The following FKBP15 variants were observed in gnomAD, a reference collection of about 807,000 sequenced individuals.
The protein encoded by FKBP15 is FKBP prolyl isomerase family member 15, also known as FK506-binding protein 15.
Under a neutral mutation model 158.1 loss-of-function variants are expected in FKBP15, and 106 were observed. The observed-to-expected ratio is 0.67, with a 90% CI of 0.57 to 0.79. FKBP15 has a LOEUF of 0.79. Ranked by LOEUF, FKBP15 falls within the 30% of genes least tolerant of loss-of-function variation. FKBP15 has a pLI of 0.00. For synonymous variants in FKBP15, 547 were observed against 548.6 expected (o/e 1.00, Z 0.04); for missense variants, 1,287 against 1,479.1 (o/e 0.87, Z 2.13).
rs1416653707 is a variant in FKBP15, at chr9:113,174,601, C to A, written c.2224-18G>T. 3.1e-6 allele frequency: 5 copies of A among 1,612,076 alleles called. No individual in the cohort carries two copies. Among genetic ancestry groups the A allele is most frequent in the Non-Finnish European group, 4.2e-6 (5 of 1,179,108 alleles). ...GAGAGGTTCTTAGGAACAAGAGAACCATCATCAGCTCTAGCTTGTTAACAG... is the reference window on the plus strand; with the variant it reads ...GAGAGGTTCTTAGGAACAAGAGAACAATCATCAGCTCTAGCTTGTTAACAG... On this transcript the variant is annotated intron_variant, in intron 21 of 27. Coordinates refer to ENST00000238256, the MANE Select transcript of FKBP15 (RefSeq NM_015258.2).
chr9:113,191,905 T>A (rs2118904864), intron 11 of FKBP15, among the ~76,000 whole-genome samples: 1 of 151,256 alleles, frequency 6.6e-6, no homozygotes, highest in East Asian at 1.9e-4. Flanking sequence ...TTTTGATAAC[T>A]GTGCCATATA....
chr9:113,192,999 G>C (rs1301467525), intron 11 of FKBP15, among the ~76,000 whole-genome samples: 1 of 152,166 alleles, frequency 6.6e-6, no homozygotes, highest in African/African-American at 2.4e-5. Context: ...ACTTATTAAA[G>C]ACAAACTGAA....
At chr9:113,183,203 T>G (rs1156916587) in intron 18 of FKBP15, among the ~76,000 whole-genome samples, 1 of 152,162 alleles carries the variant, frequency 6.6e-6, no homozygotes, top group Non-Finnish European at 1.5e-5. Context: ...CTCTGTCATG[T>G]GGGAGACAAG....
chr9:113,206,456 A>T (rs1830888660), intron 4 of FKBP15, 53 bp downstream of exon 4: 2 of 1,433,324 alleles, frequency 1.4e-6, no homozygotes, highest in South Asian at 2.3e-5. Flanking sequence ...AAGCCAGCTC[A>T]TTGGTATTAT....
intron 12 of FKBP15, 92 bp downstream of exon 12, chr9:113,190,378 GC>G: frequency 1.0e-6 from 1 of 1,002,570 alleles, no homozygotes; most frequent in South Asian, 1.4e-5. Context: ...TAATGATTCT[GC>G]CTTAGAGAAA....
chr9:113,172,460 C>G (rs1006411284), intron 23 of FKBP15, among the ~76,000 whole-genome samples: 1 of 152,104 alleles, frequency 6.6e-6, no homozygotes, highest in African/African-American at 2.4e-5. Flanking sequence ...TTTACACTCC[C>G]ACCAACAGTG....
In FKBP15 at chr9:113,162,963, C is replaced by A. The variant is rs749077587; in HGVS notation, c.*3115G>T. On this transcript the variant is annotated 3_prime_UTR_variant, in exon 28 of 28. Transcript: ENST00000238256. ...ACTGAGGCTGGAGGGACATGGAGCCCCCTCTTCCAGACACTATACTTCCAA... is the reference window on the plus strand; with the variant it reads ...ACTGAGGCTGGAGGGACATGGAGCCACCTCTTCCAGACACTATACTTCCAA... 1.3e-6 allele frequency: 2 copies of A among 1,512,194 alleles called. No individual in the cohort carries two copies. Among genetic ancestry groups the A allele is most frequent in the Non-Finnish European group, 1.8e-6 (2 of 1,122,086 alleles). The allele number at this position is 1,512,194 out of a possible 1,614,324, so 93.7% of individuals were successfully genotyped here.
In FKBP15 at chr9:113,211,545, T is replaced by G. The variant is rs1434582192; in HGVS notation, c.101A>C (p.His34Pro). 6.2e-7 allele frequency: 1 copy of G among 1,608,554 alleles called. No individual in the cohort carries two copies. Among genetic ancestry groups the G allele is most frequent in the Non-Finnish European group, 8.5e-7 (1 of 1,177,572 alleles). Residue 34 changes from histidine (H) to proline (P), a missense_variant, in exon 2 of 28, where the codon CAT becomes CCT. Physicochemically the swap from His to Pro is moderately conservative, Grantham distance 77 (BLOSUM62 -2). Transcript: ENST00000238256. Reference sequence around the variant, plus strand: ...TGTGTACTGGAAAAATTCATTTCCATGGCCAGCAGCTGCCTGATCCAGTCC... The same window carrying G: ...TGTGTACTGGAAAAATTCATTTCCAGGGCCAGCAGCTGCCTGATCCAGTCC... The part of the protein sequence containing the change: ...LFGLDQAAAG[H>P]GNEFFQYTAP...
Position 113,197,020 on chromosome 9 carries a change from G to C in FKBP15, c.776C>G (p.Pro259Arg), listed in dbSNP as rs746467241. The C allele has an allele frequency of 8.9e-5, 143 of 1,613,838 alleles. No homozygotes were observed. Among genetic ancestry groups the C allele is most frequent in the Non-Finnish European group, 1.2e-4 (142 of 1,179,886 alleles). ...KKGGKRLLIV[P>R]PACAVGSEGV... The stretch of plus-strand genomic sequence containing the variant: ...TTCTGAGCCAACAGCACAGGCTGGA[G>C]GGACAATAAGCAATCGCTTTCCTCC... Residue 259 changes from proline to arginine, a missense_variant, in exon 9 of 28, where the codon CCT (proline) becomes CGT (arginine). Pro to Arg is a moderately radical substitution (Grantham distance 103). Coordinates refer to ENST00000238256, the MANE Select transcript of FKBP15 (RefSeq NM_015258.2).
chr9:113,210,173 G>A (rs946606919), intron 2 of FKBP15, among the ~76,000 whole-genome samples: 6 of 152,126 alleles, frequency 3.9e-5, no homozygotes, highest in Non-Finnish European at 7.4e-5. Flanking sequence ...CTATCTAGCT[G>A]CTAGAAATCA....
chr9:113,204,082 G>A (rs1830843270), intron 4 of FKBP15, among the ~76,000 whole-genome samples: 2 of 141,546 alleles, frequency 1.4e-5, no homozygotes, highest in African/African-American at 2.8e-5. Flanking sequence ...CATTCTCCAC[G>A]TCATTTTTTT....
rs373279246 is a variant in FKBP15, at chr9:113,193,620, T to G, written c.1008-71A>C. Reference sequence around the variant, plus strand: ...AATCACAAGTCCAAATTATATTGGATAAGCAAATTGTTTTTTTAAATGTGT... The same window carrying G: ...AATCACAAGTCCAAATTATATTGGAGAAGCAAATTGTTTTTTTAAATGTGT... On this transcript the variant is annotated intron_variant, in intron 10 of 27. Transcript: ENST00000238256. The G allele has an allele frequency of 2.1e-5, 27 of 1,272,418 alleles. No individual in the cohort carries two copies. The African/African-American group carries it at 3.3e-4, about 15-fold the overall frequency. The allele number at this position is 1,272,418 out of a possible 1,614,324, so 78.8% of individuals were successfully genotyped here. A position where few individuals can be genotyped will look rare whatever the true frequency, so the allele number is the denominator to read the frequency against.
chr9:113,161,882 C>A lies in FKBP15; in HGVS notation c.*4196G>T. On this transcript the variant is annotated 3_prime_UTR_variant, in exon 28 of 28. Coordinates refer to ENST00000238256, the MANE Select transcript of FKBP15 (RefSeq NM_015258.2). ...AGCTCATGTCTCCTGATGCCCAGGCCAAAGCACTCTGTGAACAGCCAGCCA... is the reference window on the plus strand; with the variant it reads ...AGCTCATGTCTCCTGATGCCCAGGCAAAAGCACTCTGTGAACAGCCAGCCA... 1.4e-6 allele frequency: 1 copy of A among 712,036 alleles called. No individual in the cohort carries two copies. The highest frequency in any genetic ancestry group is 2.5e-6 in the Non-Finnish European group (1 of 401,426). The allele number at this position is 712,036 out of a possible 1,614,324, so 44.1% of individuals were successfully genotyped here.
At chr9:113,179,474 C>T (rs1830354543) in intron 19 of FKBP15, among the ~76,000 whole-genome samples, 1 of 151,992 alleles carries the variant, frequency 6.6e-6, no homozygotes, top group South Asian at 2.1e-4. Flanking sequence ...CCAGCCTGAC[C>T]AACATGGTGA....
rs769080246 is a variant in FKBP15 at position 113,197,022 on chromosome 9, GACAAT to G, written c.769_773del (p.Ile257ProfsTer29). 6.2e-7 allele frequency: 1 copy of G among 1,613,932 alleles called. No individual in the cohort carries two copies. The highest frequency in any genetic ancestry group is 1.1e-5 in the South Asian group (1 of 91,082). ...CTGAGCCAACAGCACAGGCTGGAGG[GACAAT>G]AAGCAATCGCTTTCCTCCTTTTTTC... On this transcript the variant is annotated frameshift_variant, in exon 9 of 28. Coordinates refer to ENST00000238256, the MANE Select transcript of FKBP15 (RefSeq NM_015258.2). LOFTEE classifies it high-confidence loss of function.
In FKBP15 at chr9:113,165,455, T is replaced by G. The variant is rs1830083002; in HGVS notation, c.*623A>C. ...CCCAGATCTGTAAGACTCCTACCCT[T>G]AGATTCCCAAAAGAGCACAGACAGC... On this transcript the variant is annotated 3_prime_UTR_variant, in exon 28 of 28. Coordinates refer to ENST00000238256, the MANE Select transcript of FKBP15 (RefSeq NM_015258.2). 7.3e-6 allele frequency: 1 copy of G among 137,152 alleles called. No individual in the cohort carries two copies. Among genetic ancestry groups the G allele is most frequent in the African/African-American group, 2.7e-5 (1 of 37,096 alleles). The allele number at this position is 137,152 out of a possible 1,614,324, so 8.5% of individuals were successfully genotyped here. A position where few individuals can be genotyped will look rare whatever the true frequency, so the allele number is the denominator to read the frequency against.
intron 12 of FKBP15, among the ~76,000 whole-genome samples, chr9:113,189,655 T>C (rs920855726): frequency 2.0e-5 from 3 of 152,100 alleles, no homozygotes; most frequent in African/African-American, 4.8e-5. Context: ...AAATATAAAG[T>C]ATATTCCAGA....
chr9:113,190,698 A>C, intron 11 of FKBP15, 120 bp from the exon 12 acceptor site: 1 of 692,616 alleles, frequency 1.4e-6, no homozygotes, highest in South Asian at 1.8e-5. Context: ...TATCTATTTA[A>C]AAACATTTCC....
intron 23 of FKBP15, 70 bp from the exon 24 acceptor site, chr9:113,171,776 G>T: frequency 3.1e-6 from 4 of 1,275,732 alleles, no homozygotes; most frequent in Non-Finnish European, 3.1e-6. Flanking sequence ...AAGGGGAGGA[G>T]AACCACCCAA....
Sources: gnomAD v4.1 joint callset for allele counts (sites outside exome capture counted in the v4.1 genomes callset) on GRCh38, gnomAD v4.1.1 for gene constraint, MANE v1.5 for transcripts, NCBI Gene and HGNC (gene_info 2026-07-23, HGNC 2026-07-21) for gene names.